The following TMEM63C variants were observed in gnomAD, a reference collection of about 807,000 sequenced individuals.
The protein encoded by TMEM63C is osmosensitive cation channel TMEM63C.
A neutral mutation model predicts 99.2 loss-of-function variants in TMEM63C; 32 were observed. That is an observed-to-expected ratio of 0.32 (90% CI 0.24 to 0.43). TMEM63C has a LOEUF of 0.43. Ranked by LOEUF, TMEM63C falls within the 20% of genes least tolerant of loss-of-function variation. The pLI is 1.00. For missense variants in TMEM63C, 826 were observed against 1,053.0 expected (o/e 0.78, Z 2.98); for synonymous variants, 376 against 397.9 (o/e 0.94, Z 0.66).
intron 6 of TMEM63C, among the ~76,000 whole-genome samples, chr14:77,227,855 C>CCTTTT (rs1888857290): frequency 6.6e-6 from 1 of 152,044 alleles, no homozygotes; most frequent in East Asian, 1.9e-4. Flanking sequence ...AGGAAGGTCA[C>CCTTTT]CTTTTTCCAG....
chr14:77,233,743 C>G (rs1888986502), intron 8 of TMEM63C, among the ~76,000 whole-genome samples: 1 of 152,034 alleles, frequency 6.6e-6, no homozygotes, highest in Non-Finnish European at 1.5e-5. Context: ...ACTGGCCACT[C>G]ATGAAGACGT....
chr14:77,251,457 G>A (rs1315198139), intron 21 of TMEM63C, among the ~76,000 whole-genome samples: 1 of 152,116 alleles, frequency 6.6e-6, no homozygotes. Context: ...ATGGCGTTGG[G>A]GGCACTGGCA....
intron 22 of TMEM63C, among the ~76,000 whole-genome samples, chr14:77,252,605 A>C (rs1472059103): frequency 6.6e-6 from 1 of 152,240 alleles, no homozygotes; most frequent in African/African-American, 2.4e-5. Flanking sequence ...CAACTGAAAT[A>C]CAGTTTTCTG....
At chr14:77,247,848 G>T (rs1172626203) in intron 18 of TMEM63C, among the ~76,000 whole-genome samples, 1 of 152,172 alleles carries the variant, frequency 6.6e-6, no homozygotes, top group African/African-American at 2.4e-5. Flanking sequence ...CAGGTGATCT[G>T]CTCACCTCGG....
intron 1 of TMEM63C, among the ~76,000 whole-genome samples, chr14:77,183,095 G>A (rs1198784912): frequency 6.6e-6 from 1 of 152,156 alleles, no homozygotes; most frequent in Non-Finnish European, 1.5e-5. Flanking sequence ...TTCTCCCTGG[G>A]ACAGATGACC....
chr14:77,209,111 AG>A, intron 1 of TMEM63C, among the ~76,000 whole-genome samples: 1 of 152,318 alleles, frequency 6.6e-6, no homozygotes, highest in African/African-American at 2.4e-5. Flanking sequence ...GTTTACAGAA[AG>A]AGTCTCCATG....
chr14:77,246,097 A>G, intron 17 of TMEM63C, 71 bp downstream of exon 17: 2 of 1,188,316 alleles, frequency 1.7e-6, no homozygotes, highest in Non-Finnish European at 2.5e-6. Flanking sequence ...TCTTTCAGAT[A>G]CTGTAGACCT....
At chr14:77,247,698 A>T (rs1889289148) in intron 18 of TMEM63C, among the ~76,000 whole-genome samples, 1 of 152,202 alleles carries the variant, frequency 6.6e-6, no homozygotes, top group African/African-American at 2.4e-5. Context: ...TGAGAATCCC[A>T]ATTTTCAAAG....
intron 2 of TMEM63C, among the ~76,000 whole-genome samples, 180 bp from the exon 3 acceptor site, chr14:77,218,621 G>A (rs780537946): frequency 6.6e-6 from 1 of 152,250 alleles, no homozygotes; most frequent in South Asian, 2.1e-4. Context: ...TGAGGCAGCT[G>A]TTCTCTTGCA....
At chr14:77,206,765 T>C (rs1468673972) in intron 1 of TMEM63C, among the ~76,000 whole-genome samples, 1 of 152,246 alleles carries the variant, frequency 6.6e-6, no homozygotes, top group African/African-American at 2.4e-5. Context: ...AAGCCTTCCT[T>C]TTAATATATG....
At chr14:77,232,199 T>C (rs1008208338) in intron 7 of TMEM63C, among the ~76,000 whole-genome samples, 3 of 152,170 alleles carry the variant, frequency 2.0e-5, no homozygotes, top group Non-Finnish European at 2.9e-5. Context: ...AACAGAAAAA[T>C]CATGGCTCCA....
In TMEM63C at chr14:77,243,311, G is replaced by A. The variant is rs1009026611; in HGVS notation, c.1341+255G>A. On this transcript the variant is annotated intron_variant, in intron 15 of 23. Transcript: ENST00000298351. ...GTGGGGAGTCCACAGGCAGGTCCTG[G>A]GGTGAGTTGGAGGGGGTGTCGTCCT... Among the ~76,000 whole-genome samples the A allele has an allele frequency of 5.3e-5, 8 of 152,286 alleles. No individual in the cohort carries two copies. The East Asian group carries it at 1.5e-3, about 29-fold the overall frequency.
At chr14:77,256,459 G>T in intron 23 of TMEM63C, 67 bp from the exon 24 acceptor site, 1 of 1,507,694 alleles carries the variant, frequency 6.6e-7, no homozygotes, top group Admixed American at 1.7e-5. Flanking sequence ...CATGAGGGGA[G>T]AGGGTGTGCC....
intron 2 of TMEM63C, among the ~76,000 whole-genome samples, chr14:77,218,096 G>C (rs1483935524): frequency 6.6e-6 from 1 of 152,118 alleles, no homozygotes. Context: ...TGGATTGTTT[G>C]TAACCCAAAG....
intron 2 of TMEM63C, among the ~76,000 whole-genome samples, chr14:77,215,096 C>T (rs978827400): frequency 1.3e-5 from 2 of 152,218 alleles, no homozygotes; most frequent in African/African-American, 4.8e-5. Flanking sequence ...GAATCCAGCA[C>T]AGCAAGTCTG....
intron 12 of TMEM63C, among the ~76,000 whole-genome samples, chr14:77,240,113 C>T (rs914042811): frequency 1.3e-5 from 2 of 152,172 alleles, no homozygotes; most frequent in East Asian, 1.9e-4. Context: ...AAGAGGGCGT[C>T]GAGACTCAGA....
chr14:77,232,668 A>G (rs969693505), intron 7 of TMEM63C, among the ~76,000 whole-genome samples: 2 of 152,192 alleles, frequency 1.3e-5, no homozygotes, highest in Non-Finnish European at 2.9e-5. Context: ...GGATTGGGAG[A>G]TCACATGCCA....
At chr14:77,251,985 A>T in intron 22 of TMEM63C, 87 bp downstream of exon 22, 1 of 1,076,512 alleles carries the variant, frequency 9.3e-7, no homozygotes, top group Non-Finnish European at 1.4e-6. Flanking sequence ...GGGCTCCCAT[A>T]GCACCACAGG....
chr14:77,255,066 C>T (rs1215630917), intron 23 of TMEM63C, among the ~76,000 whole-genome samples: 1 of 152,238 alleles, frequency 6.6e-6, no homozygotes, highest in Non-Finnish European at 1.5e-5. Flanking sequence ...TCTTGGCTCA[C>T]TGCAACCTCC....
Sources: gnomAD v4.1 joint callset for allele counts (sites outside exome capture counted in the v4.1 genomes callset) on GRCh38, gnomAD v4.1.1 for gene constraint, MANE v1.5 for transcripts, NCBI Gene and HGNC (gene_info 2026-07-23, HGNC 2026-07-21) for gene names.